Variants in FBXO34 observed in about 807,000 individuals in gnomAD.
FBXO34 encodes the protein F-box only protein 34.
A neutral mutation model predicts 24.5 loss-of-function variants in FBXO34; 12 were observed. The observed-to-expected ratio is 0.49, with a 90% CI of 0.31 to 0.79. The LOEUF is 0.79. Ranked by LOEUF, FBXO34 falls within the 30% of genes least tolerant of loss-of-function variation. The pLI is 0.04. For missense variants in FBXO34, 823 were observed against 857.7 expected (o/e 0.96, Z 0.51); for synonymous variants, 320 against 311.9 (o/e 1.03, Z -0.27).
chr14:55,439,930 CAAAAA>C, the FBXO34 span, among the ~76,000 whole-genome samples: 3 of 39,178 alleles, frequency 7.7e-5, no homozygotes, highest in African/African-American at 1.1e-4. Flanking sequence ...GACTCTGTCT[CAAAAA>C]AAAAAAAAAA....
the FBXO34 span, among the ~76,000 whole-genome samples, chr14:55,393,756 T>C: frequency 6.6e-6 from 1 of 152,114 alleles, no homozygotes; most frequent in Non-Finnish European, 1.5e-5. Context: ...TTTTGCCATG[T>C]TTCCCAGGCT....
chr14:55,429,858 T>C, the FBXO34 span, among the ~76,000 whole-genome samples: 1 of 150,920 alleles, frequency 6.6e-6, no homozygotes, highest in East Asian at 1.9e-4. Flanking sequence ...GTAAGATATG[T>C]GCTGATTGAG....
At chr14:55,408,225 G>A in the FBXO34 span, among the ~76,000 whole-genome samples, 1 of 152,176 alleles carries the variant, frequency 6.6e-6, no homozygotes, top group Non-Finnish European at 1.5e-5. Flanking sequence ...GGCTGAGGCT[G>A]GTGGATGGCT....
At chr14:55,336,965 C>CT (rs983138743) in intron 1 of FBXO34, among the ~76,000 whole-genome samples, 3 of 133,204 alleles carry the variant, frequency 2.3e-5, no homozygotes, top group Non-Finnish European at 4.6e-5. Flanking sequence ...TCTCTTCACT[C>CT]TTTTTTTTAT....
chr14:55,322,017 C>T (rs970174255), intron 1 of FBXO34, among the ~76,000 whole-genome samples: 1 of 152,126 alleles, frequency 6.6e-6, no homozygotes, highest in African/African-American at 2.4e-5. Flanking sequence ...TCCAGTTTGC[C>T]AGTTATTATA....
At chr14:55,302,736 A>G (rs1882407858) in intron 1 of FBXO34, among the ~76,000 whole-genome samples, 1 of 151,610 alleles carries the variant, frequency 6.6e-6, no homozygotes, top group Non-Finnish European at 1.5e-5. Context: ...GTGCTTACTT[A>G]CTAGATACAG....
At chr14:55,402,178 A>G in the FBXO34 span, among the ~76,000 whole-genome samples, 1 of 152,278 alleles carries the variant, frequency 6.6e-6, no homozygotes, top group Admixed American at 6.5e-5. Context: ...CAATTTACTG[A>G]GCACTTACTA....
At chr14:55,299,565 T>C (rs1882273415) in intron 1 of FBXO34, among the ~76,000 whole-genome samples, 1 of 152,136 alleles carries the variant, frequency 6.6e-6, no homozygotes, top group South Asian at 2.1e-4. Context: ...TAAAAAGATA[T>C]TTTCCCCCCA....
At chr14:55,323,216 A>ATATATATAT (rs1467413034) in intron 1 of FBXO34, among the ~76,000 whole-genome samples, 3 of 36,422 alleles carry the variant, frequency 8.2e-5, no homozygotes, top group African/African-American at 4.0e-4. Flanking sequence ...AAAAAAAAAA[A>ATATATATAT]AAATATATAT....
At chr14:55,344,546 A>ATTTTTTTTTTTTTTTTTTTTT (rs3085086) in intron 1 of FBXO34, among the ~76,000 whole-genome samples, 1 of 138,972 alleles carries the variant, frequency 7.2e-6, no homozygotes, top group Admixed American at 7.2e-5. Context: ...GTGTATGTGT[A>ATTTTTTTTTTTTTTTTTTTTT]TTTTTTTTTT....
chr14:55,405,774 C>G, the FBXO34 span, among the ~76,000 whole-genome samples: 2 of 151,644 alleles, frequency 1.3e-5, 1 homozygote, highest in Admixed American at 1.3e-4. Context: ...GAGGTACTGC[C>G]TAATATCATT....
At chr14:55,366,033 T>C (rs1884669908), downstream of FBXO34, among the ~76,000 whole-genome samples, 2 of 152,282 alleles carry the variant, frequency 1.3e-5, no homozygotes, top group South Asian at 2.1e-4. Context: ...TTTCCTCTTG[T>C]CCTGAAGAAA....
chr14:55,333,565 A>G (rs1466748740), intron 1 of FBXO34, among the ~76,000 whole-genome samples: 2 of 152,204 alleles, frequency 1.3e-5, no homozygotes, highest in African/African-American at 4.8e-5. Flanking sequence ...AAATAACCAA[A>G]ATGTAAACTT....
chr14:55,320,523 G>A (rs982022839), intron 1 of FBXO34, among the ~76,000 whole-genome samples: 6 of 152,208 alleles, frequency 3.9e-5, no homozygotes, highest in Admixed American at 1.3e-4. Context: ...AGGCTGAGGC[G>A]GGCAGATCAC....
intron 1 of FBXO34, among the ~76,000 whole-genome samples, chr14:55,285,035 T>TAA (rs774105315): frequency 4.4e-5 from 6 of 136,842 alleles, no homozygotes; most frequent in South Asian, 2.4e-4. Flanking sequence ...CAGGTGAGGT[T>TAA]AAAAAAAAAA....
intron 1 of FBXO34, among the ~76,000 whole-genome samples, chr14:55,345,488 C>T (rs1453538463): frequency 6.6e-6 from 1 of 152,182 alleles, no homozygotes; most frequent in Non-Finnish European, 1.5e-5. Context: ...TTCCTATACC[C>T]TCAGGTGAGC....
the FBXO34 span, among the ~76,000 whole-genome samples, chr14:55,375,490 A>AATTTT: frequency 1.6e-3 from 192 of 117,772 alleles, no homozygotes; most frequent in Non-Finnish European, 2.1e-3. Context: ...GCCGGGCTAA[A>AATTTT]TTTTTTTTTT....
chr14:55,440,291 C>T, the FBXO34 span: 1 of 1,395,240 alleles, frequency 7.2e-7, no homozygotes, highest in South Asian at 1.3e-5. Flanking sequence ...ACCAAGCCCG[C>T]CTCTTATGGT....
chr14:55,382,182 T>G, the FBXO34 span: 1 of 1,614,190 alleles, frequency 6.2e-7, no homozygotes, highest in Non-Finnish European at 8.5e-7. Flanking sequence ...AAGACACATC[T>G]GCGGGGTCTC....
Sources: gnomAD v4.1 joint callset for allele counts (sites outside exome capture counted in the v4.1 genomes callset) on GRCh38, gnomAD v4.1.1 for gene constraint, MANE v1.5 for transcripts, NCBI Gene and HGNC (gene_info 2026-07-23, HGNC 2026-07-21) for gene names.